SOD2: variants seen among roughly 807,000 people sequenced by gnomAD.
SOD2 encodes superoxide dismutase 2, also known as superoxide dismutase [Mn], mitochondrial.
A neutral mutation model predicts 27.0 loss-of-function variants in SOD2; 11 were observed. The ratio of observed to expected loss-of-function variants is 0.41; its 90% CI spans 0.26 to 0.67. The LOEUF is 0.67. SOD2 is among the 30% of genes least tolerant of loss of function. The pLI is 0.34. For synonymous variants in SOD2, 105 were observed against 103.0 expected, an observed-to-expected ratio of 1.02 and a Z score of -0.12; for missense variants, 250 against 274.5, an observed-to-expected ratio of 0.91 and a Z score of 0.63.
intron 1 of SOD2, among the ~76,000 whole-genome samples, chr6:159,757,000 G>T (rs776475275): frequency 6.6e-6 from 1 of 152,120 alleles, no homozygotes; most frequent in Non-Finnish European, 1.5e-5. Flanking sequence ...TAAAACGCTG[G>T]CCAGCACTAC....
intron 1 of SOD2, chr6:159,736,464 T>G: frequency 1.8e-6 from 1 of 546,274 alleles, no homozygotes; most frequent in Admixed American, 3.3e-5. Flanking sequence ...TGCCAGATAT[T>G]GTATCTTATA....
upstream of SOD2, among the ~76,000 whole-genome samples, chr6:159,728,080 A>T (rs912087690): frequency 6.6e-6 from 1 of 152,152 alleles, no homozygotes; most frequent in Non-Finnish European, 1.5e-5. Flanking sequence ...GGCGGCACTA[A>T]CGAGTTCAGC....
intron 1 of SOD2, among the ~76,000 whole-genome samples, chr6:159,708,462 T>A (rs920332279): frequency 2.0e-5 from 3 of 152,184 alleles, no homozygotes; most frequent in Admixed American, 6.5e-5. Context: ...ACTAGCATTC[T>A]TATACATCAA....
Position 159,671,198 on chromosome 6 carries a change from A to T in SOD2, c.*11295T>A, listed in dbSNP as rs1562408780. ...CATAGCCGAACAAAAGGCAGCAGAA[A>T]TCTCTGCAGACTTCAATGTCCCTGT... On this transcript the variant is annotated 3_prime_UTR_variant, in exon 5 of 5. Coordinates refer to ENST00000538183, the MANE Select transcript of SOD2 (RefSeq NM_000636.4). 6.6e-6 allele frequency: 1 copy of T among 152,344 alleles called. No homozygotes were observed. The highest frequency in any genetic ancestry group is 1.5e-5 in the Non-Finnish European group (1 of 68,150). The allele number at this position is 152,344 out of a possible 1,614,324, so 9.4% of individuals were successfully genotyped here. A position where few individuals can be genotyped will look rare whatever the true frequency, so the allele number is the denominator to read the frequency against.
chr6:159,713,533 G>A, intron 1 of SOD2: 1 of 707,648 alleles, frequency 1.4e-6, no homozygotes, highest in Non-Finnish European at 2.6e-6. Flanking sequence ...CTGCACAAAG[G>A]CTTCCCCTGT....
intron 1 of SOD2, chr6:159,713,319 C>T: frequency 1.5e-6 from 1 of 657,550 alleles, no homozygotes; most frequent in African/African-American, 1.8e-5. Context: ...TTTTCAAACC[C>T]AGCTCCTCTG....
At position 159,708,920 on chromosome 6, in the gene SOD2, A is replaced by G. The variant is rs531226450; in HGVS notation, c.-115-16057T>C. 6.4e-3 allele frequency among the ~76,000 whole-genome samples: 955 copies of G among 148,324 alleles called. 11 individuals carry two copies. The highest frequency in any genetic ancestry group is 0.024 in the African/African-American group (922 of 37,770). On this transcript the variant is annotated intron_variant, in intron 1 of 2. Transcript: ENST00000401980. Reference sequence around the variant, plus strand: ...ATAGTACTGGTACCAAAACAGAGATATAGACCAATGGAACAGAACAGAGCC... The same window carrying G: ...ATAGTACTGGTACCAAAACAGAGATGTAGACCAATGGAACAGAACAGAGCC...
chr6:159,709,455 C>A (rs946392381), intron 1 of SOD2, among the ~76,000 whole-genome samples: 72 of 152,112 alleles, frequency 4.7e-4, no homozygotes, highest in African/African-American at 1.7e-3. Flanking sequence ...AAGTGGGCAA[C>A]GGATATGAAC....
intron 1 of SOD2, among the ~76,000 whole-genome samples, chr6:159,734,122 T>C (rs1778758425): frequency 6.6e-6 from 1 of 152,218 alleles, no homozygotes; most frequent in East Asian, 1.9e-4. Context: ...TTATCTCCTT[T>C]TGAGGAATCT....
intron 1 of SOD2, among the ~76,000 whole-genome samples, chr6:159,739,972 A>T (rs1016985490): frequency 3.3e-5 from 5 of 152,042 alleles, no homozygotes; most frequent in African/African-American, 1.2e-4. Context: ...TATATACTTA[A>T]GATACACTAC....
upstream of SOD2, among the ~76,000 whole-genome samples, chr6:159,729,636 G>A (rs1323028215): frequency 6.6e-6 from 1 of 152,156 alleles, no homozygotes; most frequent in Non-Finnish European, 1.5e-5. Context: ...TGTGAGACAG[G>A]CAAAATTATC....
intron 1 of SOD2, among the ~76,000 whole-genome samples, chr6:159,736,872 C>T (rs2842972): frequency 0.46 from 69,249 of 151,940 alleles, 17,942 homozygotes; most frequent in Non-Finnish European, 0.58. Context: ...GAGGTAACAT[C>T]GTCTCTAGGA....
chr6:159,727,053 C>T (rs1778211120), intron 1 of SOD2: 13 of 1,217,646 alleles, frequency 1.1e-5, no homozygotes, highest in Non-Finnish European at 1.4e-5. Context: ...AGTACTTCCA[C>T]CTTCCCTTCC....
intron 1 of SOD2, among the ~76,000 whole-genome samples, chr6:159,702,777 A>C (rs1466087816): frequency 1.4e-5 from 2 of 144,500 alleles, no homozygotes; most frequent in Non-Finnish European, 3.0e-5. Context: ...TTGAGCCCAG[A>C]AGGCAGAGGA....
rs1779801645 is a variant in SOD2, at chr6:159,677,353, A to T, written c.*5140T>A. 6.6e-6 allele frequency: 1 copy of T among 152,152 alleles called. No homozygotes were observed. Among genetic ancestry groups the T allele is most frequent in the Admixed American group, 6.6e-5 (1 of 15,264 alleles). 9.4% of individuals were successfully genotyped at this position (152,152 alleles called of 1,614,324 possible). A position where few individuals can be genotyped will look rare whatever the true frequency, so the allele number is the denominator to read the frequency against. On this transcript the variant is annotated 3_prime_UTR_variant, in exon 5 of 5. Transcript: ENST00000538183. Reference sequence around the variant, plus strand: ...GCATCTTGACAACAGAAGCACTCTCATTACTGTAAAGCCCACAATGAATAG... The same window carrying T: ...GCATCTTGACAACAGAAGCACTCTCTTTACTGTAAAGCCCACAATGAATAG...
chr6:159,682,288 C>G lies in SOD2; in HGVS notation c.*205G>C, dbSNP rs972424907. On this transcript the variant is annotated 3_prime_UTR_variant, in exon 5 of 5. Coordinates refer to ENST00000538183, the MANE Select transcript of SOD2 (RefSeq NM_000636.4). ...AAATGTCCAATCAGATTCAATCACA[C>G]AAAGCATTTACTATTTTCAATCACT... 9.4e-6 allele frequency: 4 copies of G among 427,112 alleles called. No homozygotes were observed. The highest frequency in any genetic ancestry group is 2.1e-5 in the African/African-American group (1 of 48,708). 26.5% of individuals were successfully genotyped at this position (427,112 alleles called of 1,614,324 possible). A position where few individuals can be genotyped will look rare whatever the true frequency, so the allele number is the denominator to read the frequency against.
chr6:159,749,312 C>T, upstream of SOD2: 1 of 985,732 alleles, frequency 1.0e-6, no homozygotes, highest in South Asian at 4.7e-5. Flanking sequence ...TCAACAGGCA[C>T]ATGTTTAAAA....
At chr6:159,758,255 GAA>G (rs71742935) in intron 1 of SOD2, among the ~76,000 whole-genome samples, 10 of 141,610 alleles carry the variant, frequency 7.1e-5, no homozygotes, top group East Asian at 4.1e-4. Flanking sequence ...GGGCTGCTGT[GAA>G]AAAAAAAAAA....
chr6:159,689,060 G>C (rs1780325141), intron 2 of SOD2, among the ~76,000 whole-genome samples: 1 of 152,142 alleles, frequency 6.6e-6, no homozygotes, highest in Non-Finnish European at 1.5e-5. Flanking sequence ...CCTTCTCACT[G>C]GAGCGAACCC....
Sources: gnomAD v4.1 joint callset for allele counts (sites outside exome capture counted in the v4.1 genomes callset) on GRCh38, gnomAD v4.1.1 for gene constraint, MANE v1.5 for transcripts, NCBI Gene and HGNC (gene_info 2026-07-23, HGNC 2026-07-21) for gene names.